PTPRM: variants seen among roughly 807,000 people sequenced by gnomAD.
PTPRM encodes the protein receptor-type tyrosine-protein phosphatase mu.
Under a neutral mutation model 186.7 loss-of-function variants are expected in PTPRM, and 47 were observed. The ratio of observed to expected loss-of-function variants is 0.25; its 90% CI spans 0.20 to 0.32. The LOEUF (loss-of-function observed/expected upper bound fraction) is 0.32, where lower values mean the gene tolerates loss of function less well. PTPRM is among the 10% of genes least tolerant of loss of function. The pLI, the probability that PTPRM is intolerant of heterozygous loss-of-function variation, is 1.00. For missense variants in PTPRM, 1,494 were observed against 1,865.0 expected, an observed-to-expected ratio of 0.80 and a Z score of 3.66; for synonymous variants, 668 against 674.9, an observed-to-expected ratio of 0.99 and a Z score of 0.16.
At chr18:7,874,420 C>T (rs1368198917) in intron 2 of PTPRM, among the ~76,000 whole-genome samples, 2 of 151,956 alleles carry the variant, frequency 1.3e-5, no homozygotes, top group East Asian at 1.9e-4. Context: ...ATTCTGAGAG[C>T]TGATATAAAG....
intron 1 of PTPRM, among the ~76,000 whole-genome samples, chr18:7,705,934 G>A (rs2040077583): frequency 6.8e-6 from 1 of 148,066 alleles, no homozygotes; most frequent in East Asian, 2.0e-4. Flanking sequence ...AATGATACAA[G>A]AGCACTATAG....
At chr18:7,842,947 T>TATATATAGAGAG (rs370746043) in intron 2 of PTPRM, among the ~76,000 whole-genome samples, 71 of 112,100 alleles carry the variant, frequency 6.3e-4, no homozygotes, top group African/African-American at 2.3e-3. Context: ...TATATATATA[T>TATATATAGAGAG]AGAGAGAGAG....
At chr18:7,642,382 G>A (rs548478185) in intron 1 of PTPRM, among the ~76,000 whole-genome samples, 18 of 152,198 alleles carry the variant, frequency 1.2e-4, no homozygotes, top group Non-Finnish European at 2.2e-4. Flanking sequence ...TTCTACTGTC[G>A]TTACAATTTC....
intron 19 of PTPRM, among the ~76,000 whole-genome samples, chr18:8,295,814 C>T (rs1463281209): frequency 6.6e-6 from 1 of 151,988 alleles, no homozygotes; most frequent in East Asian, 1.9e-4. Flanking sequence ...CATCATAGTG[C>T]CAAATCCCTA....
rs572011563 is a variant in PTPRM, at chr18:8,329,390, A to G, written c.2956+10176A>G. Among the ~76,000 whole-genome samples, 7 of 152,370 alleles carry G rather than the reference A, an allele frequency of 4.6e-5. No homozygotes were observed. The South Asian group carries it at 8.3e-4, about 18-fold the overall frequency. ...GTTCATATTTTAATAGAGTGTGTGC[A>G]AAGTTCAACCTAGGAGAAACGTCAT... On this transcript the variant is annotated intron_variant, in intron 22 of 32. Coordinates refer to ENST00000580170, the MANE Select transcript of PTPRM (RefSeq NM_001105244.2).
intron 22 of PTPRM, among the ~76,000 whole-genome samples, chr18:8,327,830 C>T (rs1237889778): frequency 2.0e-5 from 3 of 152,160 alleles, no homozygotes; most frequent in African/African-American, 4.8e-5. Context: ...TTGGCTCTAC[C>T]CTGACCCTGT....
intron 3 of PTPRM, among the ~76,000 whole-genome samples, chr18:7,889,122 GAATA>G (rs571955857): frequency 2.2e-4 from 33 of 151,886 alleles, no homozygotes; most frequent in Non-Finnish European, 3.8e-4. Flanking sequence ...TTAAATAAAT[GAATA>G]AATAAATAAA....
chr18:8,198,232 G>A (rs117970930), intron 14 of PTPRM, among the ~76,000 whole-genome samples: 11,264 of 152,104 alleles, frequency 0.074, 592 homozygotes, highest in Middle Eastern at 0.32. Flanking sequence ...CTGCAGCCTC[G>A]ACTTCCCAGG....
At position 8,076,501 on chromosome 18, in the gene PTPRM, A is replaced by G. The variant is rs773134995; in HGVS notation, c.1488A>G (p.Glu496=). The G allele has an allele frequency of 1.9e-5, 31 of 1,610,576 alleles. No individual in the cohort carries two copies. Among genetic ancestry groups the G allele is most frequent in the Non-Finnish European group, 2.6e-5 (31 of 1,177,622 alleles). The part of the protein sequence containing the change: ...PTESIQGSTF[E]EKIFLQWREP... ...AATCCATACAAGGAAGTACCTTTGA[A>G]GAGAAGATATTTCTTCAGTGGAGAG... Residue 496 remains glutamate, a synonymous_variant, in exon 9 of 33, where the codon GAA becomes GAG. Coordinates refer to ENST00000580170, the MANE Select transcript of PTPRM (RefSeq NM_001105244.2).
chr18:7,694,804 T>C (rs953226785), intron 1 of PTPRM, among the ~76,000 whole-genome samples: 1 of 152,126 alleles, frequency 6.6e-6, no homozygotes, highest in Admixed American at 6.5e-5. Context: ...TCATGAAACA[T>C]TTATAGCTCT....
intron 1 of PTPRM, among the ~76,000 whole-genome samples, chr18:7,631,065 T>C (rs886832653): frequency 2.0e-5 from 3 of 152,202 alleles, no homozygotes; most frequent in African/African-American, 7.2e-5. Context: ...TTTTCCCTCA[T>C]CCTGATTTGC....
intron 20 of PTPRM, among the ~76,000 whole-genome samples, chr18:8,312,394 C>T (rs949070459): frequency 2.0e-5 from 3 of 152,086 alleles, no homozygotes; most frequent in Non-Finnish European, 4.4e-5. Flanking sequence ...AGCAGATCAC[C>T]ATGAGGAAAC....
chr18:8,343,361 C>T (rs537340771), intron 22 of PTPRM, 62 bp from the exon 23 acceptor site: 44 of 1,474,326 alleles, frequency 3.0e-5, no homozygotes, highest in South Asian at 4.7e-5. Flanking sequence ...TTGTAAGCCC[C>T]GGAAATTTTC....
chr18:8,244,173 T>A lies in PTPRM; in HGVS notation c.2416T>A (p.Phe806Ile). 6.3e-7 allele frequency: 1 copy of A among 1,594,938 alleles called. No homozygotes were observed. Among genetic ancestry groups the A allele is most frequent in the South Asian group, 1.2e-5 (1 of 86,540 alleles). The change falls in exon 15 of 33, where the codon TTC (phenylalanine) becomes ATC (isoleucine). Residue 806 changes from phenylalanine to isoleucine, a missense_variant. By Grantham distance (21) the Phe-to-Ile change is conservative. Around this residue, in one of 3 missense-constraint regions of PTPRM, gnomAD observed 1,107 missense variants for 1,350.2 expected, o/e 0.82. Coordinates refer to ENST00000580170, the MANE Select transcript of PTPRM (RefSeq NM_001105244.2). ...GCAGGGCACAAACTGCGACGAGGCT[T>A]TCTCATTCATGGACACGCACAATCT... ...AEQGTNCDEA[F>I]SFMDTHNLNG... is the part of the protein sequence containing the mutation.
chr18:8,364,508 G>A (rs2095616179), intron 23 of PTPRM, among the ~76,000 whole-genome samples: 2 of 152,236 alleles, frequency 1.3e-5, no homozygotes, highest in East Asian at 3.9e-4. Flanking sequence ...AAACCAAAAG[G>A]TTTGGGGATA....
chr18:8,261,886 A>G (rs920866873), intron 19 of PTPRM, among the ~76,000 whole-genome samples: 4 of 152,062 alleles, frequency 2.6e-5, no homozygotes, highest in African/African-American at 7.2e-5. Context: ...AAGTTAAGCA[A>G]TTTTCCCACT....
chr18:8,393,207 A>G (rs1453060874), intron 31 of PTPRM, among the ~76,000 whole-genome samples: 1 of 152,202 alleles, frequency 6.6e-6, no homozygotes, highest in Non-Finnish European at 1.5e-5. Context: ...AATAAGACAG[A>G]TGGACATCCT....
intron 14 of PTPRM, among the ~76,000 whole-genome samples, chr18:8,222,574 A>T (rs2094165983): frequency 1.3e-5 from 2 of 152,210 alleles, no homozygotes; most frequent in African/African-American, 4.8e-5. Context: ...ATAAGTTTTC[A>T]TCTGAGCGGG....
chr18:8,334,667 T>C (rs2088621633), intron 22 of PTPRM, among the ~76,000 whole-genome samples: 1 of 152,244 alleles, frequency 6.6e-6, no homozygotes, highest in African/African-American at 2.4e-5. Context: ...CTCTCATTAA[T>C]CAATACGGAC....
Sources: allele counts gnomAD v4.1 joint callset (sites outside exome capture counted in the v4.1 genomes callset), GRCh38; gene constraint gnomAD v4.1.1; regional missense constraint gnomAD v4.1.1; transcripts MANE v1.5; gene names NCBI Gene and HGNC (gene_info 2026-07-23, HGNC 2026-07-21).